Variants in CDH20 observed in about 807,000 individuals in gnomAD.
The protein encoded by CDH20 is cadherin 20.
Under a neutral mutation model 74.2 loss-of-function variants are expected in CDH20, and 29 were observed. The observed-to-expected ratio is 0.39, with a 90% CI of 0.29 to 0.53. The LOEUF (loss-of-function observed/expected upper bound fraction) is 0.53. Among genes scored for constraint, CDH20 ranks in the 20% least tolerant of loss-of-function variants. The probability of loss-of-function intolerance (pLI) is 0.69; values close to 1 mark genes in which losing one functional copy is unlikely to be tolerated. For synonymous variants in CDH20, 469 were observed against 405.4 expected (o/e 1.16, Z -1.88); for missense variants, 988 against 1,048.3 (o/e 0.94, Z 0.79).
At chr18:61,402,366 A>G (rs1912182740) in intron 1 of CDH20, among the ~76,000 whole-genome samples, 1 of 152,186 alleles carries the variant, frequency 6.6e-6, no homozygotes, top group Non-Finnish European at 1.5e-5. Context: ...AATATAGGAC[A>G]ACATAGATTT....
intron 6 of CDH20, among the ~76,000 whole-genome samples, chr18:61,526,311 T>A (rs1912411975): frequency 6.6e-6 from 1 of 151,288 alleles, no homozygotes; most frequent in Non-Finnish European, 1.5e-5. Flanking sequence ...GTATTTTTAG[T>A]AGAGACGATT....
At chr18:61,363,406 C>T (rs1478162991) in intron 1 of CDH20, among the ~76,000 whole-genome samples, 2 of 152,166 alleles carry the variant, frequency 1.3e-5, no homozygotes, top group Non-Finnish European at 2.9e-5. Flanking sequence ...GGCATAATAT[C>T]ATCCTTTCTA....
chr18:61,337,705 C>T (rs1456349391), intron 1 of CDH20, among the ~76,000 whole-genome samples: 1 of 152,166 alleles, frequency 6.6e-6, no homozygotes, highest in Non-Finnish European at 1.5e-5. Context: ...AAAGAAGGCA[C>T]TGTCATCAAC....
intron 1 of CDH20, chr18:61,391,691 A>G (rs1053342879): frequency 1.0e-4 from 16 of 152,472 alleles, no homozygotes; most frequent in African/African-American, 3.4e-4. Flanking sequence ...TTCGTGAAGC[A>G]TTCCATATTT....
intron 6 of CDH20, among the ~76,000 whole-genome samples, chr18:61,521,597 A>G (rs1222274257): frequency 6.6e-6 from 1 of 151,366 alleles, no homozygotes; most frequent in East Asian, 1.9e-4. Flanking sequence ...TCCTGATACC[A>G]AAACCTGGCA....
In CDH20 at chr18:61,498,399, CAAAAAAAAAA is replaced by C. The variant is rs55721858; in HGVS notation, c.247-772_247-763del. Among the ~76,000 whole-genome samples, 29 of 145,460 alleles carry C rather than the reference CAAAAAAAAAA, an allele frequency of 2.0e-4. No homozygotes were observed. In the East Asian group the frequency reaches 4.9e-3, roughly 25 times the overall value. ...TGGGTGACAGGGCGAAACTCTGTCT[CAAAAAAAAAA>C]AAAAAAAAAAAAAAGGATTCTGAGA... On this transcript the variant is annotated intron_variant, in intron 2 of 11. Transcript: ENST00000262717.
intron 2 of CDH20, among the ~76,000 whole-genome samples, chr18:61,497,870 G>A (rs892059827): frequency 6.6e-6 from 1 of 152,054 alleles, no homozygotes; most frequent in Non-Finnish European, 1.5e-5. Flanking sequence ...ACTTCACCCT[G>A]GACTATGCAA....
At chr18:61,365,986 T>C (rs1910844196) in intron 1 of CDH20, among the ~76,000 whole-genome samples, 1 of 152,166 alleles carries the variant, frequency 6.6e-6, no homozygotes, top group African/African-American at 2.4e-5. Flanking sequence ...ATTTATCACA[T>C]TAAAAAAGAA....
At chr18:61,491,102 G>T (rs774368222) in intron 2 of CDH20, among the ~76,000 whole-genome samples, 1 of 152,158 alleles carries the variant, frequency 6.6e-6, no homozygotes, top group African/African-American at 2.4e-5. Context: ...CAGCTGTCTG[G>T]GAATGACAGA....
intron 6 of CDH20, among the ~76,000 whole-genome samples, chr18:61,514,661 T>C (rs1278980147): frequency 6.7e-6 from 1 of 150,056 alleles, no homozygotes; most frequent in East Asian, 2.0e-4. Flanking sequence ...ATGATGGTGA[T>C]GTACAGATGG....
intron 1 of CDH20, among the ~76,000 whole-genome samples, chr18:61,395,920 C>T (rs1317788607): frequency 6.6e-6 from 1 of 152,160 alleles, no homozygotes; most frequent in Admixed American, 6.5e-5. Flanking sequence ...GTAATCCCAG[C>T]TACTTTTTCG....
chr18:61,472,319 G>A (rs9955331), intron 1 of CDH20, among the ~76,000 whole-genome samples: 4,076 of 151,468 alleles, frequency 0.027, 121 homozygotes, highest in African/African-American at 0.068. Flanking sequence ...CAAACCCCAC[G>A]GCATAGGCAG....
chr18:61,406,736 G>T (rs1398595412), intron 1 of CDH20, among the ~76,000 whole-genome samples: 4 of 152,218 alleles, frequency 2.6e-5, no homozygotes, highest in Non-Finnish European at 4.4e-5. Context: ...GTGGAGGAAA[G>T]CGGAGGAATT....
intron 1 of CDH20, among the ~76,000 whole-genome samples, chr18:61,455,382 T>C (rs1037304653): frequency 1.3e-5 from 2 of 152,212 alleles, no homozygotes; most frequent in Admixed American, 1.3e-4. Context: ...AATAGACCAG[T>C]TTGTAAGACA....
chr18:61,349,838 C>T (rs1030990215), intron 1 of CDH20, among the ~76,000 whole-genome samples: 15 of 151,688 alleles, frequency 9.9e-5, no homozygotes, highest in African/African-American at 3.4e-4. Context: ...CAGGTTGTCA[C>T]ATGTAATTCG....
At chr18:61,438,143 A>G (rs999482316) in intron 1 of CDH20, among the ~76,000 whole-genome samples, 2 of 152,108 alleles carry the variant, frequency 1.3e-5, no homozygotes, top group African/African-American at 2.4e-5. Context: ...GTTTCCACCT[A>G]TGGCTAGTCC....
At chr18:61,538,620 G>GT (rs746315637) in intron 8 of CDH20, among the ~76,000 whole-genome samples, 18,963 of 41,282 alleles carry the variant, frequency 0.46, 5,761 homozygotes, top group East Asian at 0.71. Flanking sequence ...TTTTGTTTTT[G>GT]TTTTGTTTTT....
chr18:61,441,900 T>A (rs921471210), intron 1 of CDH20, among the ~76,000 whole-genome samples: 3 of 152,182 alleles, frequency 2.0e-5, no homozygotes, highest in African/African-American at 7.2e-5. Context: ...ATATCCTTTT[T>A]GTGTTCTCTA....
Position 61,403,009 on chromosome 18 carries a change from C to A in CDH20, c.-153+69182C>A, listed in dbSNP as rs1280013349. Among the ~76,000 whole-genome samples, 4 of 152,270 alleles carry A rather than the reference C, an allele frequency of 2.6e-5. No individual in the cohort carries two copies. In the East Asian group the frequency reaches 7.7e-4, roughly 29 times the overall value. ...TATTTTTACCCTTCTCAGGGTTAATCAGACTAATATGGTATAAATTTTAAC... is the reference window on the plus strand; with the variant it reads ...TATTTTTACCCTTCTCAGGGTTAATAAGACTAATATGGTATAAATTTTAAC... On this transcript the variant is annotated intron_variant, in intron 1 of 11. Coordinates refer to ENST00000262717, the MANE Select transcript of CDH20 (RefSeq NM_031891.4).
Sources: allele counts gnomAD v4.1 joint callset (sites outside exome capture counted in the v4.1 genomes callset), GRCh38; gene constraint gnomAD v4.1.1; transcripts MANE v1.5; gene names NCBI Gene and HGNC (gene_info 2026-07-23, HGNC 2026-07-21).